The following IKBKB variants were observed in gnomAD, a reference collection of about 807,000 sequenced individuals.
IKBKB encodes the protein inhibitor of nuclear factor kappa B kinase subunit beta.
In IKBKB, 42 loss-of-function variants were observed where a neutral mutation model predicts 113.6. That is an observed-to-expected ratio of 0.37 (90% CI 0.29 to 0.48). The LOEUF is 0.48. Among genes scored for constraint, IKBKB ranks in the 20% least tolerant of loss-of-function variants. IKBKB has a pLI of 0.99. For missense variants in IKBKB, 673 were observed against 939.7 expected (o/e 0.72, Z 3.71); for synonymous variants, 296 against 361.3 (o/e 0.82, Z 2.05).
At chr8:42,298,535 G>A in intron 5 of IKBKB, 2 of 929,816 alleles carry the variant, frequency 2.2e-6, no homozygotes, top group Non-Finnish European at 1.3e-6. Flanking sequence ...TCCATTGCAT[G>A]CATCCATCTG....
intron 2 of IKBKB, among the ~76,000 whole-genome samples, chr8:42,282,399 G>A (rs888573870): frequency 3.0e-4 from 46 of 152,178 alleles, no homozygotes; most frequent in African/African-American, 1.0e-3. Context: ...TAGAGACAGA[G>A]TCTTGCCATA....
intron 2 of IKBKB, 57 bp downstream of exon 2, chr8:42,272,262 C>G (rs757629567): frequency 6.2e-7 from 1 of 1,611,094 alleles, no homozygotes. Flanking sequence ...TCCTCACTGC[C>G]TCCACTTTCT....
chr8:42,281,389 T>C (rs1018848129), intron 2 of IKBKB, among the ~76,000 whole-genome samples: 1 of 152,186 alleles, frequency 6.6e-6, no homozygotes, highest in Non-Finnish European at 1.5e-5. Flanking sequence ...ATCCCCATCT[T>C]ATGGATGAGG....
intron 8 of IKBKB, among the ~76,000 whole-genome samples, 172 bp downstream of exon 8, chr8:42,309,197 A>C (rs955892203): frequency 1.3e-5 from 2 of 152,212 alleles, no homozygotes; most frequent in Non-Finnish European, 2.9e-5. Context: ...TCTGTGCTCC[A>C]AGGACCTGTT....
chr8:42,296,308 C>T (rs1813786439), intron 5 of IKBKB, among the ~76,000 whole-genome samples: 1 of 151,130 alleles, frequency 6.6e-6, no homozygotes, highest in South Asian at 2.1e-4. Flanking sequence ...ACTAGCCTGA[C>T]TAACATGGAG....
At chr8:42,287,020 G>A (rs1230754524) in intron 2 of IKBKB, among the ~76,000 whole-genome samples, 1 of 152,208 alleles carries the variant, frequency 6.6e-6, no homozygotes. Flanking sequence ...GGGGCTCCGG[G>A]AGCTGCTGCC....
chr8:42,309,591 C>T (rs1308169767), intron 8 of IKBKB: 3 of 272,052 alleles, frequency 1.1e-5, no homozygotes, highest in Non-Finnish European at 2.2e-5. Context: ...CCTGTCTCTA[C>T]TAAAAACCCT....
chr8:42,318,836 C>T, intron 13 of IKBKB, 161 bp downstream of exon 13: 1 of 670,578 alleles, frequency 1.5e-6, no homozygotes, highest in Non-Finnish European at 2.4e-6. Flanking sequence ...GTGGGCTGGA[C>T]TGACGGAGGC....
chr8:42,305,122 A>G, intron 5 of IKBKB, 65 bp from the exon 6 acceptor site: 1 of 1,029,334 alleles, frequency 9.7e-7, no homozygotes, highest in Non-Finnish European at 1.5e-6. Flanking sequence ...CTTTTGCAGG[A>G]TAGGAGATTC....
chr8:42,329,550 G>T (rs1468959440), intron 21 of IKBKB: 9 of 872,990 alleles, frequency 1.0e-5, no homozygotes, highest in African/African-American at 1.8e-5. Flanking sequence ...TAATAATAGT[G>T]ATGTCTAACA....
chr8:42,318,417 C>T, intron 12 of IKBKB, 135 bp from the exon 13 acceptor site: 1 of 949,314 alleles, frequency 1.1e-6, no homozygotes, highest in Non-Finnish European at 1.6e-6. Context: ...CCAGGCATAA[C>T]ACCCTCCAAA....
intron 5 of IKBKB, chr8:42,298,466 T>G: frequency 1.0e-6 from 1 of 985,418 alleles, no homozygotes. Flanking sequence ...GGAAGAGAGC[T>G]CCATTCCAGG....
chr8:42,310,941 G>T (rs919325472), intron 8 of IKBKB, among the ~76,000 whole-genome samples: 1 of 152,176 alleles, frequency 6.6e-6, no homozygotes, highest in Non-Finnish European at 1.5e-5. Context: ...TTGGAAGGAC[G>T]TTGATAATTT....
intron 20 of IKBKB, among the ~76,000 whole-genome samples, 199 bp from the exon 21 acceptor site, chr8:42,328,925 C>G (rs1184667229): frequency 2.0e-5 from 3 of 152,078 alleles, no homozygotes; most frequent in Admixed American, 1.3e-4. Context: ...TGGACAGTAA[C>G]GCTCATATGT....
intron 7 of IKBKB, 30 bp from the exon 8 acceptor site, chr8:42,308,871 G>A (rs200977501): frequency 9.3e-5 from 150 of 1,611,532 alleles, no homozygotes; most frequent in Non-Finnish European, 1.2e-4. Context: ...GAGAGGAGCA[G>A]CTCAGGTGTA....
At chr8:42,273,369 AGTG>A in intron 2 of IKBKB, among the ~76,000 whole-genome samples, 2 of 151,564 alleles carry the variant, frequency 1.3e-5, no homozygotes, top group Non-Finnish European at 2.9e-5. Flanking sequence ...GAGCCGAGAT[AGTG>A]TCACTGCATT....
rs56329631 is a variant in IKBKB, at chr8:42,326,100, A to G, written c.2114+3A>G. Reference sequence around the variant, plus strand: ...TTACCTGAGCCAGCCAAGAAGAGGTAGGTCCTCCTTAGCAGTGCCAAGTGT... The same window carrying G: ...TTACCTGAGCCAGCCAAGAAGAGGTGGGTCCTCCTTAGCAGTGCCAAGTGT... On this transcript the variant is annotated splice_donor_region_variant and intron_variant, in intron 20 of 21. Transcript: ENST00000520810. 29 of 1,614,180 alleles carry G rather than the reference A, an allele frequency of 1.8e-5. No individual in the cohort carries two copies. In the East Asian group the frequency reaches 3.3e-4, roughly 19 times the overall value.
chr8:42,274,786 GCCCCCC>G (rs1224930652), intron 2 of IKBKB, among the ~76,000 whole-genome samples: 140 of 5,546 alleles, frequency 0.025, 21 homozygotes, highest in African/African-American at 0.12. Flanking sequence ...CCGCCGGCGC[GCCCCCC>G]CCCCCCCCCG....
chr8:42,309,144 C>T (rs181236182), intron 8 of IKBKB, 119 bp downstream of exon 8: 11 of 1,177,420 alleles, frequency 9.3e-6, no homozygotes, highest in African/African-American at 1.5e-5. Flanking sequence ...GTTTCTCTTC[C>T]GAGAGGAAGG....
Sources: gnomAD v4.1 joint callset for allele counts (sites outside exome capture counted in the v4.1 genomes callset) on GRCh38, gnomAD v4.1.1 for gene constraint, MANE v1.5 for transcripts, NCBI Gene and HGNC (gene_info 2026-07-23, HGNC 2026-07-21) for gene names.